The following ARB2A variants were observed in gnomAD, a reference collection of about 807,000 sequenced individuals.
The protein encoded by ARB2A is ARB2 cotranscriptional regulator A, also known as cotranscriptional regulator ARB2A.
At chr5:93,709,724 T>C in the ARB2A span, among the ~76,000 whole-genome samples, 2 of 149,798 alleles carry the variant, frequency 1.3e-5, no homozygotes, top group Admixed American at 6.6e-5. Flanking sequence ...TTGTGTTACA[T>C]AGAATAAGGT....
chr5:93,622,275 G>C, the ARB2A span, among the ~76,000 whole-genome samples: 1 of 152,180 alleles, frequency 6.6e-6, no homozygotes, highest in African/African-American at 2.4e-5. Context: ...CAATTATGCA[G>C]AGAGATACCG....
the ARB2A span, among the ~76,000 whole-genome samples, chr5:93,999,956 T>A: frequency 6.6e-6 from 1 of 152,092 alleles, no homozygotes; most frequent in African/African-American, 2.4e-5. Context: ...AAATATATGG[T>A]TAAGATTCCT....
At chr5:93,860,024 G>T in the ARB2A span, among the ~76,000 whole-genome samples, 1 of 152,230 alleles carries the variant, frequency 6.6e-6, no homozygotes, top group Admixed American at 6.5e-5. Flanking sequence ...GCCAGGCGCA[G>T]TGGCTCACAC....
the ARB2A span, among the ~76,000 whole-genome samples, chr5:93,935,804 C>A: frequency 0.025 from 3,746 of 152,200 alleles, 77 homozygotes; most frequent in Non-Finnish European, 0.04. Flanking sequence ...ACAACAGAAT[C>A]TGAGTTCAAA....
At chr5:93,830,311 G>GGATA in the ARB2A span, among the ~76,000 whole-genome samples, 5 of 82,266 alleles carry the variant, frequency 6.1e-5, no homozygotes, top group African/African-American at 2.6e-4. Flanking sequence ...GTGTGTGTGT[G>GGATA]TATATATATA....
the ARB2A span, among the ~76,000 whole-genome samples, chr5:94,038,173 A>G: frequency 6.6e-6 from 1 of 152,122 alleles, no homozygotes; most frequent in Non-Finnish European, 1.5e-5. Context: ...ATTTAACATT[A>G]TAATAATTCA....
At chr5:93,853,357 G>A in the ARB2A span, among the ~76,000 whole-genome samples, 1 of 152,174 alleles carries the variant, frequency 6.6e-6, no homozygotes, top group African/African-American at 2.4e-5. Context: ...GAGATTTTGG[G>A]CTGAGACAAT....
At chr5:93,760,039 T>C in the ARB2A span, among the ~76,000 whole-genome samples, 26 of 152,186 alleles carry the variant, frequency 1.7e-4, no homozygotes, top group Admixed American at 1.7e-3. Flanking sequence ...ATGAAAGAAT[T>C]CAGCAAAGTT....
At chr5:93,797,739 C>T in the ARB2A span, among the ~76,000 whole-genome samples, 1 of 151,966 alleles carries the variant, frequency 6.6e-6, no homozygotes, top group Non-Finnish European at 1.5e-5. Context: ...AGGCAATATA[C>T]AAAACAGAAT....
the ARB2A span, among the ~76,000 whole-genome samples, chr5:93,745,006 T>C: frequency 6.6e-6 from 1 of 152,228 alleles, no homozygotes. Flanking sequence ...TTTTCTATTA[T>C]TATGATCTTT....
the ARB2A span, among the ~76,000 whole-genome samples, chr5:94,006,099 T>C: frequency 6.6e-6 from 1 of 152,228 alleles, no homozygotes; most frequent in African/African-American, 2.4e-5. Context: ...TATAACAGCT[T>C]TATTATAATA....
At chr5:94,111,307 G>T in the ARB2A span, among the ~76,000 whole-genome samples, 8 of 152,254 alleles carry the variant, frequency 5.3e-5, no homozygotes, top group African/African-American at 1.7e-4. Context: ...CCCGCCTAGA[G>T]AGTGGAAATG....
At chr5:93,689,379 A>C in the ARB2A span, among the ~76,000 whole-genome samples, 2 of 152,196 alleles carry the variant, frequency 1.3e-5, no homozygotes, top group African/African-American at 4.8e-5. Flanking sequence ...GAGTGGCTGA[A>C]TATAAGTGAA....
At chr5:93,913,211 T>C in the ARB2A span, among the ~76,000 whole-genome samples, 3 of 151,820 alleles carry the variant, frequency 2.0e-5, no homozygotes, top group African/African-American at 7.2e-5. Context: ...GTTTCTATAG[T>C]CAAAGGGGCT....
chr5:93,960,611 A>C, the ARB2A span, among the ~76,000 whole-genome samples: 1 of 152,184 alleles, frequency 6.6e-6, no homozygotes, highest in Admixed American at 6.5e-5. Context: ...GGAATGAGGA[A>C]TCTTATCAAG....
At chr5:94,100,831 C>T in the ARB2A span, among the ~76,000 whole-genome samples, 22 of 152,140 alleles carry the variant, frequency 1.4e-4, no homozygotes, top group African/African-American at 5.3e-4. Context: ...AACTATAAAA[C>T]CCCTGGAAAA....
chr5:94,050,718 A>AT, the ARB2A span: 4 of 1,570,764 alleles, frequency 2.5e-6, no homozygotes, highest in South Asian at 4.7e-5. Flanking sequence ...TTAAAGTAGT[A>AT]TATGTGACAT....
the ARB2A span, among the ~76,000 whole-genome samples, chr5:94,010,232 T>G: frequency 6.6e-6 from 1 of 152,138 alleles, no homozygotes; most frequent in Non-Finnish European, 1.5e-5. Context: ...CCATAAGTTT[T>G]GATATATTGC....
chr5:94,069,236 T>C, the ARB2A span, among the ~76,000 whole-genome samples: 1 of 152,086 alleles, frequency 6.6e-6, no homozygotes, highest in African/African-American at 2.4e-5. Context: ...TAAATATCTA[T>C]ACGTAGAAGA....
Sources: gnomAD v4.1 joint callset for allele counts (sites outside exome capture counted in the v4.1 genomes callset) on GRCh38, gnomAD v4.1.1 for gene constraint, MANE v1.5 for transcripts, NCBI Gene and HGNC (gene_info 2026-07-23, HGNC 2026-07-21) for gene names.